The following AGBL4 variants were observed in gnomAD, a reference collection of about 807,000 sequenced individuals.
The protein encoded by AGBL4 is AGBL carboxypeptidase 4, also known as cytosolic carboxypeptidase 6.
A neutral mutation model predicts 66.4 loss-of-function variants in AGBL4; 58 were observed. The ratio of observed to expected loss-of-function variants is 0.87; its 90% confidence interval spans 0.71 to 1.09. The LOEUF (loss-of-function observed/expected upper bound fraction) is 1.09, where lower values mean the gene tolerates loss of function less well. Among genes scored for constraint, AGBL4 ranks in the 50% least tolerant of loss-of-function variants. The pLI is 0.00. For synonymous variants in AGBL4, 234 were observed against 222.9 expected (o/e 1.05, Z -0.44); for missense variants, 579 against 631.0 (o/e 0.92, Z 0.88).
chr1:49,650,372 G>A (rs1441950116), intron 3 of AGBL4, among the ~76,000 whole-genome samples: 2 of 152,246 alleles, frequency 1.3e-5, no homozygotes, highest in South Asian at 2.1e-4. Flanking sequence ...TCCCCTCACC[G>A]CTGTGACAAA....
intron 2 of AGBL4, among the ~76,000 whole-genome samples, chr1:49,782,231 A>C (rs1644353923): frequency 6.6e-6 from 1 of 152,084 alleles, no homozygotes; most frequent in Non-Finnish European, 1.5e-5. Context: ...AGAATGACCA[A>C]GAAAGAACAA....
chr1:49,040,383 A>C (rs1237287748), intron 5 of AGBL4, among the ~76,000 whole-genome samples: 4 of 152,096 alleles, frequency 2.6e-5, no homozygotes, highest in African/African-American at 9.6e-5. Context: ...ATAAAATGAC[A>C]CTACTATTTG....
intron 4 of AGBL4, among the ~76,000 whole-genome samples, chr1:49,218,945 C>T (rs1269941375): frequency 1.3e-5 from 2 of 152,166 alleles, no homozygotes; most frequent in Non-Finnish European, 2.9e-5. Context: ...CTTTCACCTT[C>T]TGCCATGATT....
At chr1:49,732,806 A>T (rs1649556696) in intron 2 of AGBL4, among the ~76,000 whole-genome samples, 1 of 152,298 alleles carries the variant, frequency 6.6e-6, no homozygotes, top group Non-Finnish European at 1.5e-5. Flanking sequence ...GTGTAATAGT[A>T]TTTACCCCAA....
chr1:49,948,608 T>G (rs1426725539), intron 1 of AGBL4, among the ~76,000 whole-genome samples: 29 of 116,328 alleles, frequency 2.5e-4, no homozygotes, highest in African/African-American at 4.9e-4. Context: ...GAGAGAGAGA[T>G]ACACTTAGGA....
chr1:49,393,623 AACT>A (rs919791338), intron 3 of AGBL4, among the ~76,000 whole-genome samples: 1 of 152,214 alleles, frequency 6.6e-6, no homozygotes, highest in African/African-American at 2.4e-5. Context: ...CAAAGGAAGA[AACT>A]ACTAGCCCTG....
At chr1:49,172,717 T>C (rs746459905) in intron 4 of AGBL4, among the ~76,000 whole-genome samples, 4 of 152,200 alleles carry the variant, frequency 2.6e-5, no homozygotes, top group East Asian at 1.9e-4. Flanking sequence ...TAAAAGACCA[T>C]ACAAGTTCGT....
At chr1:50,017,479 C>T (rs984807609) in intron 1 of AGBL4, 3 of 152,048 alleles carry the variant, frequency 2.0e-5, no homozygotes, top group South Asian at 4.1e-4. Flanking sequence ...AATACAACTG[C>T]GAAAATCCTA....
intron 4 of AGBL4, among the ~76,000 whole-genome samples, chr1:49,057,600 C>T (rs530642877): frequency 2.6e-5 from 4 of 152,240 alleles, no homozygotes; most frequent in Non-Finnish European, 2.9e-5. Flanking sequence ...TCCATTCATT[C>T]CATTCTCCAC....
chr1:49,190,024 G>A (rs988475100), intron 4 of AGBL4, among the ~76,000 whole-genome samples: 20 of 152,110 alleles, frequency 1.3e-4, no homozygotes, highest in Non-Finnish European at 1.8e-4. Flanking sequence ...GTGGCATATT[G>A]CATGTGTAAA....
At chr1:49,823,778 A>ATG (rs10528873) in intron 2 of AGBL4, among the ~76,000 whole-genome samples, 1,664 of 147,478 alleles carry the variant, frequency 0.011, 21 homozygotes, top group East Asian at 0.027. Context: ...AGGCTGCATA[A>ATG]TGTGTGTGTG....
intron 1 of AGBL4, among the ~76,000 whole-genome samples, chr1:49,948,123 T>TATATAAATATATGTAA (rs1557608515): frequency 8.4e-5 from 4 of 47,844 alleles, no homozygotes; most frequent in Admixed American, 3.4e-4. Flanking sequence ...TGTATGTAAA[T>TATATAAATATATGTAA]ATATATAAAT....
At chr1:48,970,903 T>A (rs1432666456) in intron 5 of AGBL4, among the ~76,000 whole-genome samples, 1 of 151,962 alleles carries the variant, frequency 6.6e-6, no homozygotes, top group East Asian at 1.9e-4. Flanking sequence ...TGTACAGAGG[T>A]TCTATGATTA....
At chr1:49,254,327 C>T (rs999393950) in intron 3 of AGBL4, among the ~76,000 whole-genome samples, 1 of 152,042 alleles carries the variant, frequency 6.6e-6, no homozygotes, top group African/African-American at 2.4e-5. Flanking sequence ...TCTTAGGATA[C>T]AAAATCAAAG....
At chr1:48,822,312 T>TA (rs1334300892) in intron 6 of AGBL4, among the ~76,000 whole-genome samples, 1 of 152,178 alleles carries the variant, frequency 6.6e-6, no homozygotes, top group Non-Finnish European at 1.5e-5. Context: ...CAAATTATGG[T>TA]ATATTATGAG....
At chr1:48,746,203 A>G (rs1213475266) in intron 6 of AGBL4, among the ~76,000 whole-genome samples, 1 of 152,202 alleles carries the variant, frequency 6.6e-6, no homozygotes, top group Admixed American at 6.5e-5. Context: ...ATATGAAACA[A>G]TGATTTCAGA....
intron 3 of AGBL4, among the ~76,000 whole-genome samples, chr1:49,599,790 C>T (rs1472321815): frequency 2.0e-5 from 3 of 152,164 alleles, no homozygotes; most frequent in Admixed American, 6.5e-5. Flanking sequence ...TTAGCTGTGT[C>T]CCAGAAATTC....
At chr1:49,256,033 T>A (rs1362060335) in intron 3 of AGBL4, among the ~76,000 whole-genome samples, 2 of 151,886 alleles carry the variant, frequency 1.3e-5, no homozygotes, top group Admixed American at 1.3e-4. Context: ...AGAATGGAAA[T>A]CGGGAAAAAT....
chr1:48,629,322 G>C (rs1038269790), intron 9 of AGBL4, among the ~76,000 whole-genome samples: 1 of 152,178 alleles, frequency 6.6e-6, no homozygotes, highest in East Asian at 1.9e-4. Context: ...TCTGTGGTGT[G>C]TGTACTAGGA....
Sources: gnomAD v4.1 joint callset for allele counts (sites outside exome capture counted in the v4.1 genomes callset) on GRCh38, gnomAD v4.1.1 for gene constraint, MANE v1.5 for transcripts, NCBI Gene and HGNC (gene_info 2026-07-23, HGNC 2026-07-21) for gene names.